TCF4: variants seen among roughly 807,000 people sequenced by gnomAD.
TCF4 encodes transcription factor 4.
In TCF4, 3 loss-of-function variants were observed where a neutral mutation model predicts 82.1. The observed-to-expected ratio is 0.04, with a 90% CI of 0.02 to 0.09. The LOEUF (loss-of-function observed/expected upper bound fraction) is 0.09, where lower values mean the gene tolerates loss of function less well. Among genes scored for constraint, TCF4 ranks in the 10% least tolerant of loss-of-function variants. The pLI is 1.00. For synonymous variants in TCF4, 276 were observed against 309.6 expected (o/e 0.89, Z 1.14); for missense variants, 518 against 852.7 (o/e 0.61, Z 4.89).
At chr18:55,444,002 C>T (rs1453813678) in intron 5 of TCF4, among the ~76,000 whole-genome samples, 1 of 151,958 alleles carries the variant, frequency 6.6e-6, no homozygotes, top group African/African-American at 2.4e-5. Flanking sequence ...TAGATGTCAC[C>T]CAGGTAGTAA....
intron 6 of TCF4, among the ~76,000 whole-genome samples, chr18:55,390,286 T>TAAAAAAAAAAA (rs56965997): frequency 3.6e-5 from 3 of 82,236 alleles, no homozygotes; most frequent in African/African-American, 5.1e-5. Flanking sequence ...CCCTGACTCT[T>TAAAAAAAAAAA]AAAAAAAAAA....
intron 6 of TCF4, among the ~76,000 whole-genome samples, chr18:55,355,627 A>AGTC (rs1265304272): frequency 4.6e-5 from 7 of 152,188 alleles, no homozygotes; most frequent in Admixed American, 1.3e-4. Context: ...GTCTTTGGAC[A>AGTC]GTCTTCTTTC....
At chr18:55,300,721 C>T (rs371940920) in intron 8 of TCF4, among the ~76,000 whole-genome samples, 2 of 152,116 alleles carry the variant, frequency 1.3e-5, no homozygotes, top group Non-Finnish European at 2.9e-5. Context: ...ACCACTCTCG[C>T]GGCACCCTCC....
chr18:55,582,999 G>C (rs1273785111), intron 3 of TCF4, among the ~76,000 whole-genome samples: 1 of 152,048 alleles, frequency 6.6e-6, no homozygotes, highest in Non-Finnish European at 1.5e-5. Context: ...CTTTTAAGTG[G>C]AAATACAACC....
At chr18:55,497,761 G>A (rs1568231753) in intron 3 of TCF4, among the ~76,000 whole-genome samples, 1 of 152,084 alleles carries the variant, frequency 6.6e-6, no homozygotes, top group Non-Finnish European at 1.5e-5. Context: ...TATCCAGCGG[G>A]GGGAAAATTA....
At chr18:55,556,370 C>A (rs974625446) in intron 3 of TCF4, among the ~76,000 whole-genome samples, 3 of 151,916 alleles carry the variant, frequency 2.0e-5, no homozygotes, top group African/African-American at 4.8e-5. Context: ...AAGAATAGAG[C>A]CTAATTTCTC....
At chr18:55,394,531 T>C (rs934570032) in intron 6 of TCF4, among the ~76,000 whole-genome samples, 7 of 152,130 alleles carry the variant, frequency 4.6e-5, no homozygotes, top group Admixed American at 2.6e-4. Context: ...ACAGTGATAA[T>C]ATATTCTATT....
chr18:55,275,077 C>T (rs1486407556), intron 10 of TCF4, among the ~76,000 whole-genome samples: 1 of 151,984 alleles, frequency 6.6e-6, no homozygotes, highest in African/African-American at 2.4e-5. Flanking sequence ...AAATGGGAAT[C>T]TGATCTATGT....
chr18:55,569,720 G>T (rs1332135797), intron 3 of TCF4, among the ~76,000 whole-genome samples: 1 of 151,898 alleles, frequency 6.6e-6, no homozygotes, highest in Non-Finnish European at 1.5e-5. Context: ...CTATAATTAC[G>T]AAATTACAGC....
intron 3 of TCF4, among the ~76,000 whole-genome samples, chr18:55,489,317 T>C (rs2096551038): frequency 6.6e-6 from 1 of 152,188 alleles, no homozygotes; most frequent in Admixed American, 6.5e-5. Context: ...TGCCCACCCC[T>C]TGACCTCCCC....
intron 5 of TCF4, among the ~76,000 whole-genome samples, chr18:55,405,059 T>G (rs1325232584): frequency 6.6e-6 from 1 of 152,246 alleles, no homozygotes; most frequent in East Asian, 1.9e-4. Flanking sequence ...ACTTCCATTG[T>G]ATGAGGATTT....
At chr18:55,595,133 T>C (rs1318583487) in intron 2 of TCF4, among the ~76,000 whole-genome samples, 1 of 152,234 alleles carries the variant, frequency 6.6e-6, no homozygotes, top group Non-Finnish European at 1.5e-5. Flanking sequence ...AGAAGGAGCC[T>C]TCTCTGAGGC....
chr18:55,313,119 C>T (rs979745064), intron 8 of TCF4, among the ~76,000 whole-genome samples: 47 of 152,086 alleles, frequency 3.1e-4, no homozygotes, highest in African/African-American at 1.1e-3. Context: ...ACTGACCTAG[C>T]AAACAGATGG....
intron 3 of TCF4, among the ~76,000 whole-genome samples, chr18:55,487,620 T>C (rs924544502): frequency 2.6e-5 from 4 of 152,070 alleles, no homozygotes; most frequent in Non-Finnish European, 5.9e-5. Flanking sequence ...CAAGATACAA[T>C]ATAATAAGTA....
At position 55,350,333 on chromosome 18, in the gene TCF4, A is replaced by G. The variant is rs1444342034; in HGVS notation, c.549+26T>C. On this transcript the variant is annotated intron_variant, in intron 8 of 19. Coordinates refer to ENST00000354452, the MANE Select transcript of TCF4 (RefSeq NM_001083962.2). ...CAAAACAGAACAAAATAAGCAATATACAAAGCAGAAACAAGCAGTACTTAC... is the reference window on the plus strand; with the variant it reads ...CAAAACAGAACAAAATAAGCAATATGCAAAGCAGAAACAAGCAGTACTTAC... 1.9e-6 allele frequency: 3 copies of G among 1,611,440 alleles called. No homozygotes were observed. The African/African-American group carries it at 4.0e-5, about 22-fold the overall frequency.
intron 8 of TCF4, among the ~76,000 whole-genome samples, chr18:55,303,897 G>A (rs1224538216): frequency 2.6e-5 from 4 of 152,088 alleles, no homozygotes; most frequent in African/African-American, 9.7e-5. Context: ...AATCCATCTG[G>A]TTTAAAATAA....
intron 8 of TCF4, among the ~76,000 whole-genome samples, chr18:55,295,902 C>T (rs538275045): frequency 2.6e-5 from 4 of 152,138 alleles, no homozygotes; most frequent in African/African-American, 9.6e-5. Context: ...GTATATCTAC[C>T]TTAAGGAGCC....
At chr18:55,602,458 T>C (rs2097698112) in intron 2 of TCF4, among the ~76,000 whole-genome samples, 1 of 152,254 alleles carries the variant, frequency 6.6e-6, no homozygotes, top group Admixed American at 6.5e-5. Context: ...ATGCCTCTCC[T>C]GCCTCACAGT....
At chr18:55,483,919 T>C (rs72930755) in intron 3 of TCF4, among the ~76,000 whole-genome samples, 6,628 of 152,258 alleles carry the variant, frequency 0.044, 152 homozygotes, top group Non-Finnish European at 0.052. Context: ...ACAATAAATA[T>C]CCTAGAGCAG....
Sources: gnomAD v4.1 joint callset for allele counts (sites outside exome capture counted in the v4.1 genomes callset) on GRCh38, gnomAD v4.1.1 for gene constraint, MANE v1.5 for transcripts, NCBI Gene and HGNC (gene_info 2026-07-23, HGNC 2026-07-21) for gene names.